AK3: variants seen among roughly 807,000 people sequenced by gnomAD.
AK3 encodes adenylate kinase 3, also known as GTP:AMP phosphotransferase AK3, mitochondrial.
In AK3, 27 loss-of-function variants were observed where a neutral mutation model predicts 23.7. The observed-to-expected ratio is 1.14, with a 90% CI of 0.84 to 1.57. The LOEUF is 1.57. Among genes scored for constraint, AK3 ranks in the 40% most tolerant of loss-of-function variants. The pLI, the probability that AK3 is intolerant of heterozygous loss-of-function variation, is 0.00. For missense variants in AK3, 406 were observed against 285.6 expected (o/e 1.42, Z -3.04); for synonymous variants, 159 against 116.0 (o/e 1.37, Z -2.38).
intron 1 of AK3, among the ~76,000 whole-genome samples, chr9:4,734,659 G>A (rs1842228680): frequency 6.6e-6 from 1 of 152,156 alleles, no homozygotes; most frequent in Non-Finnish European, 1.5e-5. Context: ...CAGTATTCAT[G>A]ACCAGGCTTA....
At chr9:4,719,501 G>A (rs950282079) in intron 2 of AK3, among the ~76,000 whole-genome samples, 194 bp from the exon 3 acceptor site, 16 of 152,246 alleles carry the variant, frequency 1.1e-4, no homozygotes, top group Middle Eastern at 3.4e-3. Flanking sequence ...CTTGACTGGG[G>A]CATGAGTGCC....
At chr9:4,740,884 G>C in intron 1 of AK3, 53 bp downstream of exon 1, 1 of 1,435,414 alleles carries the variant, frequency 7.0e-7, no homozygotes, top group African/African-American at 1.5e-5. Context: ...CCTCGCCCGC[G>C]AAGTCCGACC....
At chr9:4,714,905 G>A (rs751148366) in intron 4 of AK3, among the ~76,000 whole-genome samples, 4 of 152,064 alleles carry the variant, frequency 2.6e-5, no homozygotes, top group Non-Finnish European at 4.4e-5. Flanking sequence ...TGAGTTCTAC[G>A]TGTGGGAGCT....
Position 4,721,537 on chromosome 9 carries a change from G to A in AK3, c.271+969C>T, listed in dbSNP as rs561100651. ...TGCAGTGGGGCAATCTCGGTTCACC[G>A]CAGCCTCTGCCTCCCAGTTCAAGCA... On this transcript the variant is annotated intron_variant, in intron 2 of 4. Transcript: ENST00000381809. Among the ~76,000 whole-genome samples the A allele has an allele frequency of 5.9e-5, 9 of 151,396 alleles. No homozygotes were observed. In the South Asian group the frequency reaches 8.4e-4, roughly 14 times the overall value.
intron 4 of AK3, 34 bp from the exon 5 acceptor site, chr9:4,713,130 C>T: frequency 1.2e-6 from 2 of 1,610,952 alleles, no homozygotes; most frequent in Non-Finnish European, 1.7e-6. Context: ...CAAACACACA[C>T]AGGTCTGAGT....
At chr9:4,739,057 G>C (rs1382685071) in intron 1 of AK3, among the ~76,000 whole-genome samples, 1 of 151,356 alleles carries the variant, frequency 6.6e-6, no homozygotes, top group Admixed American at 6.6e-5. Flanking sequence ...ACAAGCATGA[G>C]CCATTGCGCC....
At chr9:4,730,552 A>C (rs1563794692) in intron 1 of AK3, among the ~76,000 whole-genome samples, 1 of 152,194 alleles carries the variant, frequency 6.6e-6, no homozygotes, top group Non-Finnish European at 1.5e-5. Flanking sequence ...GCAGTGAGCC[A>C]TGACCGCACT....
chr9:4,722,318 C>A (rs2274820), intron 2 of AK3, among the ~76,000 whole-genome samples, 188 bp downstream of exon 2: 26,222 of 152,124 alleles, frequency 0.17, 2,677 homozygotes, highest in East Asian at 0.39. Flanking sequence ...AAATCATGCA[C>A]TTCACTTCCC....
rs1295633089 is a variant in AK3 at position 4,735,478 on chromosome 9, A to ATATT, written c.151+5458_151+5459insAATA. Among the ~76,000 whole-genome samples the ATATT allele has an allele frequency of 4.8e-5, 3 of 62,598 alleles. 1 individual carries two copies. The highest frequency in any genetic ancestry group is 2.9e-5 in the Non-Finnish European group (1 of 34,110). The allele number at this position is 62,598 out of a possible 152,430, so 41.1% of individuals were successfully genotyped here. ...ACATAGTATATGTGTATATATATAT[A>ATATT]TTTTTTTTTTTTTTTTGGAAACAGA... On this transcript the variant is annotated intron_variant, in intron 1 of 4. Coordinates refer to ENST00000381809, the MANE Select transcript of AK3 (RefSeq NM_016282.4).
At chr9:4,713,227 GGAGA>G in intron 4 of AK3, 131 bp from the exon 5 acceptor site, 1 of 1,205,300 alleles carries the variant, frequency 8.3e-7, no homozygotes. Context: ...TGTGTAATCA[GGAGA>G]GAAAGGCACT....
chr9:4,740,904 G>A, intron 1 of AK3, 33 bp downstream of exon 1: 1 of 1,490,788 alleles, frequency 6.7e-7, no homozygotes. Flanking sequence ...CCGGGTGACA[G>A]CGCACGGCCG....
At chr9:4,737,890 A>C (rs435100) in intron 1 of AK3, among the ~76,000 whole-genome samples, 66,001 of 152,014 alleles carry the variant, frequency 0.43, 14,811 homozygotes, top group Non-Finnish European at 0.49. Flanking sequence ...GATGATTTTA[A>C]ACCTTAGCTA....
chr9:4,728,366 T>A (rs927836606), intron 1 of AK3, among the ~76,000 whole-genome samples: 1 of 151,734 alleles, frequency 6.6e-6, no homozygotes, highest in Admixed American at 6.6e-5. Context: ...AGGTCAGGAG[T>A]TCGAGACCAG....
At chr9:4,718,120 G>C (rs568179237) in intron 4 of AK3, among the ~76,000 whole-genome samples, 93 of 152,314 alleles carry the variant, frequency 6.1e-4, no homozygotes, top group Admixed American at 2.9e-3. Context: ...TCATAGAAGA[G>C]GAAGCCCTGG....
chr9:4,721,960 T>C (rs999709430), intron 2 of AK3, among the ~76,000 whole-genome samples: 4 of 152,160 alleles, frequency 2.6e-5, no homozygotes, highest in African/African-American at 9.7e-5. Context: ...TGTGCGAAGG[T>C]GGGTGAATGG....
Position 4,710,899 on chromosome 9 carries a change from C to A in AK3, c.*2077G>T, listed in dbSNP as rs1455541538. ...CTCTAGTCTGGGCAACAGAGTGAGG[C>A]CCTGTCTAAAAAAAAATAAAGAAAA... On this transcript the variant is annotated 3_prime_UTR_variant, in exon 5 of 5. Transcript: ENST00000381809. 4.6e-5 allele frequency: 7 copies of A among 151,786 alleles called. No individual in the cohort carries two copies. The East Asian group carries it at 1.4e-3, about 29-fold the overall frequency. 9.4% of individuals were successfully genotyped at this position (151,786 alleles called of 1,614,324 possible).
At chr9:4,732,412 A>G (rs893432153) in intron 1 of AK3, among the ~76,000 whole-genome samples, 1 of 152,214 alleles carries the variant, frequency 6.6e-6, no homozygotes, top group South Asian at 2.1e-4. Context: ...CAAAAGTTAC[A>G]TGTGGATTTT....
chr9:4,719,956 TTGGGAGGCGAGG>T (rs1841850209), intron 2 of AK3, among the ~76,000 whole-genome samples: 1 of 113,274 alleles, frequency 8.8e-6, no homozygotes, highest in South Asian at 3.2e-4. Context: ...TCCCAGCTAG[TTGGGAGGCGAGG>T]TGGGAGAATC....
At chr9:4,737,661 G>A (rs1385825007) in intron 1 of AK3, among the ~76,000 whole-genome samples, 2 of 152,222 alleles carry the variant, frequency 1.3e-5, no homozygotes, top group Non-Finnish European at 2.9e-5. Flanking sequence ...GGAGGTCGCA[G>A]TAAGCCGAGA....
Sources: allele counts gnomAD v4.1 joint callset (sites outside exome capture counted in the v4.1 genomes callset), GRCh38; gene constraint gnomAD v4.1.1; transcripts MANE v1.5; gene names NCBI Gene and HGNC (gene_info 2026-07-23, HGNC 2026-07-21).